Variants in MKLN1 observed in about 807,000 individuals in gnomAD.
MKLN1 encodes the protein muskelin.
In MKLN1, 18 loss-of-function variants were observed where a neutral mutation model predicts 99.0. That is an observed-to-expected ratio of 0.18 (90% CI 0.13 to 0.27). The LOEUF is 0.27. Among genes scored for constraint, MKLN1 ranks in the 10% least tolerant of loss-of-function variants. MKLN1 has a pLI of 1.00. For synonymous variants in MKLN1, 288 were observed against 293.2 expected (o/e 0.98, Z 0.18); for missense variants, 621 against 875.9 (o/e 0.71, Z 3.67).
chr7:131,216,458 A>G (rs997674829), intron 3 of MKLN1, among the ~76,000 whole-genome samples: 8 of 151,606 alleles, frequency 5.3e-5, no homozygotes, highest in Admixed American at 1.3e-4. Context: ...AAAGTTTATT[A>G]TATTTGGAGA....
chr7:131,110,563 G>C (rs1268302320), intron 1 of MKLN1, among the ~76,000 whole-genome samples: 1 of 152,130 alleles, frequency 6.6e-6, no homozygotes, highest in African/African-American at 2.4e-5. Flanking sequence ...GCCTTGCTGC[G>C]CTTTCTGGGT....
chr7:131,278,062 A>G (rs1365670561), intron 3 of MKLN1, among the ~76,000 whole-genome samples: 1 of 151,022 alleles, frequency 6.6e-6, no homozygotes, highest in African/African-American at 2.4e-5. Context: ...TTTATTTTTG[A>G]GACAAGGTCT....
At chr7:131,127,165 CAA>C (rs59463348) in intron 1 of MKLN1, among the ~76,000 whole-genome samples, 40,560 of 98,150 alleles carry the variant, frequency 0.41, 6,775 homozygotes, top group African/African-American at 0.57. Context: ...AACTCCATCT[CAA>C]AAAAAAAAAA....
At chr7:131,463,081 C>A in intron 12 of MKLN1, 136 bp from the exon 13 acceptor site, 1 of 687,712 alleles carries the variant, frequency 1.5e-6, no homozygotes, top group Non-Finnish European at 2.4e-6. Flanking sequence ...ATGGTTGTGC[C>A]TCACTGCACT....
chr7:131,162,012 A>C (rs1464718420), intron 2 of MKLN1, among the ~76,000 whole-genome samples: 2 of 77,170 alleles, frequency 2.6e-5, no homozygotes, highest in African/African-American at 8.7e-5. Context: ...TAACAGAGTG[A>C]TATACAAATA....
rs1266046162 is a variant in MKLN1 at position 131,466,418 on chromosome 7, A to T, written c.1928+3A>T. On this transcript the variant is annotated splice_donor_region_variant and intron_variant, in intron 15 of 17. Coordinates refer to ENST00000352689, the MANE Select transcript of MKLN1 (RefSeq NM_013255.5). ...AAGTACCTCATAAGAAAACACAGGT[A>T]TGAAAATAATTCACTGAAAACATTT... The T allele has an allele frequency of 6.5e-7, 1 of 1,540,532 alleles. No homozygotes were observed.
At chr7:131,289,849 A>G (rs1798191145) in intron 3 of MKLN1, among the ~76,000 whole-genome samples, 2 of 152,212 alleles carry the variant, frequency 1.3e-5, no homozygotes, top group African/African-American at 2.4e-5. Context: ...ACTACATTCC[A>G]GCCACATTGG....
At chr7:131,352,163 G>A (rs535619309) in intron 1 of MKLN1, among the ~76,000 whole-genome samples, 6 of 152,182 alleles carry the variant, frequency 3.9e-5, no homozygotes, top group Middle Eastern at 3.4e-3. Flanking sequence ...TATTCATTGT[G>A]TTTTAAATGA....
chr7:131,117,101 C>A (rs1203169508), intron 1 of MKLN1, among the ~76,000 whole-genome samples: 1 of 151,994 alleles, frequency 6.6e-6, no homozygotes, highest in Non-Finnish European at 1.5e-5. Context: ...TAGTTAAAGA[C>A]TGAAAACAGC....
At chr7:131,422,401 G>A (rs1226954499) in intron 8 of MKLN1, among the ~76,000 whole-genome samples, 1 of 152,072 alleles carries the variant, frequency 6.6e-6, no homozygotes, top group Non-Finnish European at 1.5e-5. Context: ...ATTTTTTTTA[G>A]TTAGCCAGGC....
chr7:131,449,981 G>T (rs1479983144), intron 12 of MKLN1, among the ~76,000 whole-genome samples: 2 of 152,160 alleles, frequency 1.3e-5, no homozygotes, highest in African/African-American at 4.8e-5. Flanking sequence ...ACTGTTGGGT[G>T]CCTTAATTTT....
chr7:131,454,602 T>G (rs2116567204), intron 12 of MKLN1, among the ~76,000 whole-genome samples: 1 of 152,340 alleles, frequency 6.6e-6, no homozygotes, highest in Middle Eastern at 3.4e-3. Flanking sequence ...ATAATTTTGT[T>G]TAATGGCAAG....
intron 12 of MKLN1, among the ~76,000 whole-genome samples, chr7:131,448,214 C>T (rs1006935609): frequency 1.3e-5 from 2 of 151,812 alleles, no homozygotes; most frequent in African/African-American, 4.8e-5. Context: ...GGCGACAGAG[C>T]GAGACTCTGT....
At chr7:131,138,209 G>A (rs1018677419) in intron 1 of MKLN1, among the ~76,000 whole-genome samples, 6 of 152,164 alleles carry the variant, frequency 3.9e-5, no homozygotes, top group Admixed American at 2.0e-4. Flanking sequence ...GGGATTACAG[G>A]TGTGAGCCAC....
upstream of MKLN1, chr7:131,327,643 C>T (rs892805957): frequency 4.1e-6 from 2 of 488,308 alleles, no homozygotes; most frequent in African/African-American, 4.1e-5. Flanking sequence ...TCCTTTGCGC[C>T]ATTCCCCTCC....
intron 2 of MKLN1, among the ~76,000 whole-genome samples, chr7:131,198,550 G>A (rs1220005435): frequency 1.6e-5 from 2 of 126,816 alleles, no homozygotes; most frequent in African/African-American, 6.3e-5. Context: ...AGTGTGTCCT[G>A]TGAAAACAGT....
At chr7:131,392,063 C>G (rs1294487028) in intron 4 of MKLN1, among the ~76,000 whole-genome samples, 1 of 152,058 alleles carries the variant, frequency 6.6e-6, no homozygotes, top group African/African-American at 2.4e-5. Flanking sequence ...GAAAGCTCAG[C>G]AGGAGATTAG....
In MKLN1 at chr7:131,424,518, A is replaced by G. The variant is rs577721399; in HGVS notation, c.848-4515A>G. On this transcript the variant is annotated intron_variant, in intron 8 of 17. Transcript: ENST00000352689. ...CTTGGGCACTAAAAATAAAAAGCCT[A>G]TTCCATTGTGCAAAAAGACACTGAG... Among the ~76,000 whole-genome samples, 6 of 152,300 alleles carry G rather than the reference A, an allele frequency of 3.9e-5. No homozygotes were observed. The East Asian group carries it at 5.8e-4, about 15-fold the overall frequency.
chr7:131,376,095 AATATATATATATATATATATATATATAT>A (rs60323728), intron 2 of MKLN1, among the ~76,000 whole-genome samples: 8 of 108,064 alleles, frequency 7.4e-5, no homozygotes, highest in African/African-American at 1.4e-4. Flanking sequence ...AATTCATGGA[AATATATATATATATATATATATATATAT>A]ATATATATAT....
Sources: gnomAD v4.1 joint callset for allele counts (sites outside exome capture counted in the v4.1 genomes callset) on GRCh38, gnomAD v4.1.1 for gene constraint, MANE v1.5 for transcripts, NCBI Gene and HGNC (gene_info 2026-07-23, HGNC 2026-07-21) for gene names.